Variants in CSMD1 observed in about 807,000 individuals in gnomAD.
The protein encoded by CSMD1 is CUB and sushi domain-containing protein 1.
In CSMD1, 213 loss-of-function variants were observed where a neutral mutation model predicts 417.5. The ratio of observed to expected loss-of-function variants is 0.51; its 90% CI spans 0.46 to 0.57. CSMD1 has a LOEUF of 0.57. Among genes scored for constraint, CSMD1 ranks in the 20% least tolerant of loss-of-function variants. The pLI, the probability that CSMD1 is intolerant of heterozygous loss-of-function variation, is 0.00. For missense variants in CSMD1, 6,923 were observed against 4,529.7 expected (o/e 1.53, Z -15.17); for synonymous variants, 2,862 against 1,736.8 (o/e 1.65, Z -16.11).
At chr8:3,730,962 G>T (rs749727156) in intron 6 of CSMD1, among the ~76,000 whole-genome samples, 1 of 152,090 alleles carries the variant, frequency 6.6e-6, no homozygotes, top group Non-Finnish European at 1.5e-5. Flanking sequence ...TTATTTTAGT[G>T]GGGAAAATTT....
At chr8:3,037,345 A>G (rs34150310) in intron 50 of CSMD1, among the ~76,000 whole-genome samples, 21,014 of 136,548 alleles carry the variant, frequency 0.15, 2,381 homozygotes, top group Non-Finnish European at 0.22. Flanking sequence ...AGCTGGGACT[A>G]CAGGCGCCCG....
At chr8:4,322,971 C>T (rs973254626) in intron 3 of CSMD1, among the ~76,000 whole-genome samples, 5 of 152,174 alleles carry the variant, frequency 3.3e-5, no homozygotes, top group African/African-American at 7.2e-5. Context: ...GGTGACAGAG[C>T]GAGACTCCGT....
At chr8:4,327,273 CTCTT>C (rs1799615619) in intron 3 of CSMD1, among the ~76,000 whole-genome samples, 1 of 152,128 alleles carries the variant, frequency 6.6e-6, no homozygotes, top group South Asian at 2.1e-4. Context: ...CAGTCAATTG[CTCTT>C]TAAGTATCTC....
chr8:4,343,510 T>A (rs1480042582), intron 3 of CSMD1, among the ~76,000 whole-genome samples: 1 of 151,736 alleles, frequency 6.6e-6, no homozygotes, highest in Non-Finnish European at 1.5e-5. Context: ...TCACAATGCA[T>A]ATCAAATATC....
At chr8:3,686,755 A>G (rs1346590697) in intron 7 of CSMD1, among the ~76,000 whole-genome samples, 1 of 152,200 alleles carries the variant, frequency 6.6e-6, no homozygotes, top group Non-Finnish European at 1.5e-5. Context: ...TTCTTTGTCC[A>G]AGCCAGTCTA....
rs143039700 is a variant in CSMD1 at position 3,212,649 on chromosome 8, T to C, written c.4867+1848A>G. Among the ~76,000 whole-genome samples the C allele has an allele frequency of 3.3e-3, 493 of 151,550 alleles. 3 individuals are homozygous for C. Among genetic ancestry groups the C allele is most frequent in the African/African-American group, 0.011 (454 of 41,346 alleles). On this transcript the variant is annotated intron_variant, in intron 30 of 69. Coordinates refer to ENST00000635120, the MANE Select transcript of CSMD1 (RefSeq NM_033225.6). ...GATTACAGGTGTGAGCCACTACACC[T>C]GGCCTAAGTTCTTACTCTGTGCCAG...
intron 3 of CSMD1, among the ~76,000 whole-genome samples, chr8:4,371,699 A>T (rs1802405328): frequency 6.6e-6 from 1 of 152,206 alleles, no homozygotes; most frequent in African/African-American, 2.4e-5. Context: ...TAGCTATATA[A>T]TCATTACTTT....
chr8:3,667,386 G>A (rs74387112), intron 7 of CSMD1, among the ~76,000 whole-genome samples: 12 of 152,092 alleles, frequency 7.9e-5, no homozygotes, highest in Non-Finnish European at 1.6e-4. Context: ...AGGTCTCGGA[G>A]GAGTGAAAAT....
chr8:3,539,832 G>C (rs1472707608), intron 10 of CSMD1, among the ~76,000 whole-genome samples: 1 of 151,734 alleles, frequency 6.6e-6, no homozygotes, highest in African/African-American at 2.4e-5. Flanking sequence ...ACGTGTTAAG[G>C]TGCCGTGGAA....
rs79341544 is a variant in CSMD1, at chr8:3,984,038, G to T, written c.818+13865C>A. Among the ~76,000 whole-genome samples the T allele has an allele frequency of 6.1e-5, 9 of 147,268 alleles. 1 individual carries two copies. The highest frequency in any genetic ancestry group is 1.4e-4 in the Non-Finnish European group (9 of 65,352). ...GTCAATTGCAGCTCTAGAGCACACG[G>T]CAGATCTGATGGGGCTGTCAATTGC... is the stretch of plus-strand genomic sequence containing the variant. On this transcript the variant is annotated intron_variant, in intron 5 of 69. Coordinates refer to ENST00000635120, the MANE Select transcript of CSMD1 (RefSeq NM_033225.6).
intron 54 of CSMD1, among the ~76,000 whole-genome samples, chr8:2,979,694 A>G (rs1415187989): frequency 6.6e-6 from 1 of 152,222 alleles, no homozygotes; most frequent in Non-Finnish European, 1.5e-5. Flanking sequence ...TTTCTTCTCT[A>G]TTCAAAAAAG....
At position 3,146,657 on chromosome 8, in the gene CSMD1, G is replaced by C. The variant is rs1373360911; in HGVS notation, c.6032-3983C>G. Among the ~76,000 whole-genome samples the C allele has an allele frequency of 3.3e-5, 5 of 152,086 alleles. No individual in the cohort carries two copies. The East Asian group carries it at 7.7e-4, about 23-fold the overall frequency. ...CTAGAGTTCCCTTGGTCATTTTGAG[G>C]GACAGGCTGTGTGGGTCACTGTCCC... On this transcript the variant is annotated intron_variant, in intron 40 of 69. Transcript: ENST00000635120.
At chr8:3,142,263 C>A (rs1818549933) in intron 41 of CSMD1, among the ~76,000 whole-genome samples, 1 of 152,150 alleles carries the variant, frequency 6.6e-6, no homozygotes, top group African/African-American at 2.4e-5. Flanking sequence ...AAAGGCGAAC[C>A]CACTGGTGGT....
chr8:4,650,457 T>A (rs1391371607), intron 1 of CSMD1, among the ~76,000 whole-genome samples: 1 of 152,172 alleles, frequency 6.6e-6, no homozygotes, highest in African/African-American at 2.4e-5. Flanking sequence ...GTATGGCCTT[T>A]CAACTTTTAA....
At chr8:4,210,963 G>GA (rs1324192123) in intron 3 of CSMD1, among the ~76,000 whole-genome samples, 10 of 151,846 alleles carry the variant, frequency 6.6e-5, no homozygotes, top group Admixed American at 2.0e-4. Flanking sequence ...TTCTCTAAAT[G>GA]AAAAAATCTC....
intron 1 of CSMD1, among the ~76,000 whole-genome samples, chr8:4,943,892 G>A (rs1050759906): frequency 1.3e-5 from 2 of 152,194 alleles, no homozygotes; most frequent in Non-Finnish European, 2.9e-5. Context: ...ACGCTTAAAG[G>A]TACGCAGAAT....
intron 9 of CSMD1, among the ~76,000 whole-genome samples, chr8:3,576,748 GTC>G (rs1448251201): frequency 2.6e-5 from 4 of 152,122 alleles, no homozygotes; most frequent in Non-Finnish European, 5.9e-5. Context: ...TCTCTAATGA[GTC>G]TGTTTTAATG....
intron 33 of CSMD1, among the ~76,000 whole-genome samples, chr8:3,198,923 A>G (rs1049924397): frequency 2.7e-5 from 4 of 147,318 alleles, no homozygotes; most frequent in African/African-American, 9.9e-5. Context: ...AAAAACTAAA[A>G]TATTGCTTTT....
chr8:4,580,110 G>C (rs539337467), intron 2 of CSMD1, among the ~76,000 whole-genome samples: 1 of 152,204 alleles, frequency 6.6e-6, no homozygotes, highest in Non-Finnish European at 1.5e-5. Flanking sequence ...TAAATATTTT[G>C]TCTTTAAAAT....
Sources: allele counts gnomAD v4.1 joint callset (sites outside exome capture counted in the v4.1 genomes callset), GRCh38; gene constraint gnomAD v4.1.1; transcripts MANE v1.5; gene names NCBI Gene and HGNC (gene_info 2026-07-23, HGNC 2026-07-21).